The following GALNT13 variants were observed in gnomAD, a reference collection of about 807,000 sequenced individuals.
GALNT13 encodes the protein polypeptide N-acetylgalactosaminyltransferase 13, also known as UDP-GalNAc:polypeptide N-acetylgalactosaminyltransferase 13.
In GALNT13, 28 loss-of-function variants were observed where a neutral mutation model predicts 64.2. That is an observed-to-expected ratio of 0.44 (90% confidence interval 0.32 to 0.60). The LOEUF (loss-of-function observed/expected upper bound fraction) is 0.60. Ranked by LOEUF, GALNT13 falls within the 20% of genes least tolerant of loss-of-function variation. The pLI, the probability that GALNT13 is intolerant of heterozygous loss-of-function variation, is 0.05. For missense variants in GALNT13, 577 were observed against 669.8 expected (o/e 0.86, Z 1.53); for synonymous variants, 214 against 224.6 (o/e 0.95, Z 0.42).
At chr2:153,458,466 A>C in the GALNT13 span, among the ~76,000 whole-genome samples, 3 of 152,096 alleles carry the variant, frequency 2.0e-5, no homozygotes, top group South Asian at 6.2e-4. Flanking sequence ...CTTCTCTTTC[A>C]TGGTCACTAC....
At chr2:153,692,163 A>T in the GALNT13 span, among the ~76,000 whole-genome samples, 8 of 152,182 alleles carry the variant, frequency 5.3e-5, no homozygotes, top group Admixed American at 1.3e-4. Context: ...TTCCTTTGGT[A>T]TAAATTATAT....
intron 3 of GALNT13, among the ~76,000 whole-genome samples, chr2:153,993,467 G>A (rs563734898): frequency 2.0e-5 from 3 of 151,844 alleles, no homozygotes; most frequent in East Asian, 1.9e-4. Flanking sequence ...AAGCCGAGGC[G>A]GGCAGATCAC....
chr2:153,104,794 T>G, the GALNT13 span, among the ~76,000 whole-genome samples: 2 of 152,180 alleles, frequency 1.3e-5, no homozygotes, highest in African/African-American at 2.4e-5. Flanking sequence ...AGATTTCATA[T>G]AGAAGTTAGA....
the GALNT13 span, among the ~76,000 whole-genome samples, chr2:153,586,509 C>A: frequency 6.6e-6 from 1 of 151,994 alleles, no homozygotes. Flanking sequence ...CATATGCAGC[C>A]AACACTAGAG....
At chr2:154,366,252 G>A (rs1035536166) in intron 9 of GALNT13, among the ~76,000 whole-genome samples, 7 of 151,982 alleles carry the variant, frequency 4.6e-5, no homozygotes, top group African/African-American at 1.7e-4. Context: ...CATTTAAAAG[G>A]TTCCTGTCTT....
chr2:153,794,546 A>G, the GALNT13 span, among the ~76,000 whole-genome samples: 7 of 146,140 alleles, frequency 4.8e-5, no homozygotes, highest in African/African-American at 1.3e-4. Context: ...TTTGAGATGG[A>G]GTCTTGCTCT....
At chr2:153,993,708 A>AG (rs934647474) in intron 3 of GALNT13, among the ~76,000 whole-genome samples, 1 of 151,416 alleles carries the variant, frequency 6.6e-6, no homozygotes, top group Non-Finnish European at 1.5e-5. Flanking sequence ...AAAAAAAAAA[A>AG]AAAAAGATAA....
At chr2:154,119,291 A>G (rs995871296) in intron 3 of GALNT13, among the ~76,000 whole-genome samples, 64 of 152,152 alleles carry the variant, frequency 4.2e-4, no homozygotes, top group African/African-American at 1.5e-3. Flanking sequence ...TCTTCTAAGA[A>G]ATATGTTGAC....
At chr2:153,946,084 T>A (rs72865053) in intron 3 of GALNT13, among the ~76,000 whole-genome samples, 38 of 152,216 alleles carry the variant, frequency 2.5e-4, no homozygotes, top group South Asian at 6.2e-4. Context: ...CCAGAATTAA[T>A]CAGCCTTCTG....
At chr2:153,760,278 TA>T in the GALNT13 span, among the ~76,000 whole-genome samples, 1 of 151,964 alleles carries the variant, frequency 6.6e-6, no homozygotes, top group Non-Finnish European at 1.5e-5. Flanking sequence ...CTATTTGATT[TA>T]TTTCTTTTCT....
chr2:153,253,345 T>C, the GALNT13 span, among the ~76,000 whole-genome samples: 34 of 134,816 alleles, frequency 2.5e-4, no homozygotes, highest in African/African-American at 9.2e-4. Context: ...CTGAAGTTGC[T>C]TATCAGCTTA....
chr2:153,120,978 T>G, the GALNT13 span, among the ~76,000 whole-genome samples: 1 of 152,196 alleles, frequency 6.6e-6, no homozygotes, highest in Non-Finnish European at 1.5e-5. Flanking sequence ...TTTGGAGCAT[T>G]TCAGTGTGAT....
intron 9 of GALNT13, among the ~76,000 whole-genome samples, chr2:154,345,709 G>T (rs1696031802): frequency 6.6e-6 from 1 of 151,904 alleles, no homozygotes; most frequent in African/African-American, 2.4e-5. Flanking sequence ...AGCCTCTTCT[G>T]GGAACTCCAC....
chr2:153,683,192 C>T, the GALNT13 span, among the ~76,000 whole-genome samples: 634 of 151,798 alleles, frequency 4.2e-3, 22 homozygotes, highest in East Asian at 0.1. Flanking sequence ...TTGGCCATCA[C>T]ATTCCACAGT....
At chr2:153,299,601 C>T in the GALNT13 span, among the ~76,000 whole-genome samples, 1 of 152,170 alleles carries the variant, frequency 6.6e-6, no homozygotes, top group African/African-American at 2.4e-5. Context: ...TCTCTCTTCC[C>T]ATCCAGTGAT....
the GALNT13 span, among the ~76,000 whole-genome samples, chr2:153,508,397 G>A: frequency 1.7e-3 from 266 of 152,236 alleles, no homozygotes; most frequent in African/African-American, 6.2e-3. Flanking sequence ...GCTGCTATGG[G>A]GGATGGTGGT....
At chr2:154,353,857 T>C (rs1696558442) in intron 9 of GALNT13, among the ~76,000 whole-genome samples, 1 of 152,198 alleles carries the variant, frequency 6.6e-6, no homozygotes, top group African/African-American at 2.4e-5. Context: ...TTGTGAACAA[T>C]GCTGCAGTGA....
At chr2:154,109,715 CT>C (rs1438952115) in intron 3 of GALNT13, among the ~76,000 whole-genome samples, 3 of 152,030 alleles carry the variant, frequency 2.0e-5, no homozygotes, top group Non-Finnish European at 4.4e-5. Flanking sequence ...AATGCTTTTT[CT>C]ACATTTAATG....
the GALNT13 span, among the ~76,000 whole-genome samples, chr2:153,445,861 C>T: frequency 1.5e-4 from 23 of 152,228 alleles, no homozygotes; most frequent in East Asian, 3.5e-3. Context: ...TGCCCATTCT[C>T]ATCACTATCT....
Sources: allele counts gnomAD v4.1 joint callset (sites outside exome capture counted in the v4.1 genomes callset), GRCh38; gene constraint gnomAD v4.1.1; transcripts MANE v1.5; gene names NCBI Gene and HGNC (gene_info 2026-07-23, HGNC 2026-07-21).